The following ADAMTS16 variants were observed in gnomAD, a reference collection of about 807,000 sequenced individuals.
ADAMTS16 encodes the protein ADAM metallopeptidase with thrombospondin type 1 motif 16, also known as A disintegrin and metalloproteinase with thrombospondin motifs 16.
ADAMTS16 carries 94 observed loss-of-function variants against 145.8 expected under a neutral mutation model. That is an observed-to-expected ratio of 0.64 (90% CI 0.55 to 0.77). The LOEUF is 0.77. ADAMTS16 is among the 30% of genes least tolerant of loss of function. The pLI is 0.00. For missense variants in ADAMTS16, 1,585 were observed against 1,591.5 expected (o/e 1.00, Z 0.07); for synonymous variants, 659 against 604.3 (o/e 1.09, Z -1.33).
At chr5:5,190,172 T>C (rs779200117) in intron 7 of ADAMTS16, 42 bp downstream of exon 7, 1 of 1,523,634 alleles carries the variant, frequency 6.6e-7, no homozygotes, top group East Asian at 2.4e-5. Context: ...GTGTGGAATG[T>C]GCACCCCTGG....
At chr5:5,164,416 A>G (rs1452664861) in intron 3 of ADAMTS16, among the ~76,000 whole-genome samples, 1 of 152,250 alleles carries the variant, frequency 6.6e-6, no homozygotes, top group African/African-American at 2.4e-5. Flanking sequence ...CACTGGCTGC[A>G]GTCTCTCAGC....
At position 5,288,394 on chromosome 5, in the gene ADAMTS16, C is replaced by G. The variant is rs571424222; in HGVS notation, c.2790-14874C>G. ...CCCTAGAATGCCACGTAAAAGGCTCCGGTGAGAGGCAGGAAAAGATATTTC... is the reference window on the plus strand; with the variant it reads ...CCCTAGAATGCCACGTAAAAGGCTCGGGTGAGAGGCAGGAAAAGATATTTC... On this transcript the variant is annotated intron_variant, in intron 18 of 22. Transcript: ENST00000274181. Among the ~76,000 whole-genome samples, 7 of 152,246 alleles carry G rather than the reference C, an allele frequency of 4.6e-5. No individual in the cohort carries two copies. The East Asian group carries it at 1.3e-3, about 29-fold the overall frequency.
intron 3 of ADAMTS16, among the ~76,000 whole-genome samples, chr5:5,168,279 T>C (rs1579284528): frequency 6.6e-6 from 1 of 151,636 alleles, no homozygotes; most frequent in African/African-American, 2.4e-5. Context: ...GGTGTAAAAA[T>C]TAGCTCTTGA....
chr5:5,259,598 AG>A (rs754669257), intron 17 of ADAMTS16, among the ~76,000 whole-genome samples: 1 of 152,112 alleles, frequency 6.6e-6, no homozygotes, highest in Non-Finnish European at 1.5e-5. Flanking sequence ...GGAAAGAGTA[AG>A]GTTATGGTCC....
intron 3 of ADAMTS16, among the ~76,000 whole-genome samples, chr5:5,160,102 A>G (rs560294165): frequency 6.6e-6 from 1 of 152,352 alleles, no homozygotes; most frequent in Non-Finnish European, 1.5e-5. Flanking sequence ...ATGTACAAGT[A>G]TGTGTAGAAG....
rs186722054 is a variant in ADAMTS16, at chr5:5,293,413, G to A, written c.2790-9855G>A. On this transcript the variant is annotated intron_variant, in intron 18 of 22. Transcript: ENST00000274181. ...CTTTCATGCTGTTTCCTCTTGATCC[G>A]CAAACCAGTCTCTCTCATTCCCTTA... Among the ~76,000 whole-genome samples the A allele has an allele frequency of 4.5e-3, 681 of 152,160 alleles. 6 individuals are homozygous for A. Among genetic ancestry groups the A allele is most frequent in the African/African-American group, 0.014 (595 of 41,508 alleles).
At position 5,182,213 on chromosome 5, in the gene ADAMTS16, G is replaced by A. The variant is rs1481219162; in HGVS notation, c.671G>A (p.Arg224Lys). 4 of 1,614,062 alleles carry A rather than the reference G, an allele frequency of 2.5e-6. No individual in the cohort carries two copies. The highest frequency in any genetic ancestry group is 1.1e-5 in the South Asian group (1 of 91,092). The change falls in exon 4 of 23, where the codon AGG (arginine) becomes AAG (lysine). Residue 224 changes from arginine (R) to lysine (K), a missense_variant. Around this residue, in one of 3 missense-constraint regions of ADAMTS16, gnomAD observed 453 missense variants for 412.1 expected, o/e 1.10. Coordinates refer to ENST00000274181, the MANE Select transcript of ADAMTS16 (RefSeq NM_139056.4). ...PGASEVLVTS[R>K]TWELAHQPLH... ...GCCAGTGAGGTCCTGGTGACCTCAA[G>A]GACATGGGAGCTGGCACATCAACCC... is the stretch of plus-strand genomic sequence containing the variant.
At chr5:5,176,729 T>C (rs76264077) in intron 3 of ADAMTS16, among the ~76,000 whole-genome samples, 427 of 152,314 alleles carry the variant, frequency 2.8e-3, no homozygotes, top group Non-Finnish European at 4.6e-3. Flanking sequence ...ATTCTTAAAT[T>C]ATACTATTAA....
intron 18 of ADAMTS16, 142 bp from the exon 19 acceptor site, chr5:5,303,126 C>A (rs2126511321): frequency 4.6e-6 from 4 of 877,230 alleles, no homozygotes; most frequent in Middle Eastern, 3.6e-4. Context: ...GAATGCTCAC[C>A]CAGGAAAGGT....
chr5:5,235,362 T>C (rs1737075517), intron 13 of ADAMTS16, among the ~76,000 whole-genome samples, 176 bp downstream of exon 13: 1 of 152,200 alleles, frequency 6.6e-6, no homozygotes, highest in Non-Finnish European at 1.5e-5. Flanking sequence ...CATCACGACC[T>C]CTTATCTAAA....
chr5:5,232,438 A>G lies in ADAMTS16; in HGVS notation c.1772A>G (p.Asp591Gly). 1 of 1,613,962 alleles carries G rather than the reference A, an allele frequency of 6.2e-7. No homozygotes were observed. Residue 591 changes from aspartate to glycine, a missense_variant, in exon 12 of 23, where the codon GAC becomes GGC. Physicochemically the swap from Asp to Gly is moderately conservative, Grantham distance 94. Coordinates refer to ENST00000274181, the MANE Select transcript of ADAMTS16 (RefSeq NM_139056.4). The stretch of plus-strand genomic sequence containing the variant: ...AAGCCCACCCATGGCCACTGGTCGG[A>G]CTGGTCTTCTTGGTCCCCATGCTCC... Reference protein sequence around the residue: ...GPKPTHGHWSDWSSWSPCSRT... With the variant: ...GPKPTHGHWSGWSSWSPCSRT...
At chr5:5,242,676 G>A (rs1034321617) in intron 17 of ADAMTS16, among the ~76,000 whole-genome samples, 10 of 152,074 alleles carry the variant, frequency 6.6e-5, no homozygotes, top group Non-Finnish European at 1.2e-4. Context: ...TATTTTGAAA[G>A]TTCCAATGAA....
chr5:5,171,695 C>T (rs1735045596), intron 3 of ADAMTS16, among the ~76,000 whole-genome samples: 2 of 152,072 alleles, frequency 1.3e-5, no homozygotes, highest in Admixed American at 1.3e-4. Context: ...AGGATTTTTG[C>T]ATCAATGTTC....
intron 17 of ADAMTS16, among the ~76,000 whole-genome samples, chr5:5,242,980 A>G (rs975600384): frequency 6.6e-6 from 1 of 152,276 alleles, no homozygotes; most frequent in African/African-American, 2.4e-5. Context: ...ATAACTAAGA[A>G]GTTAATTTAG....
chr5:5,214,738 G>A (rs1736373769), intron 10 of ADAMTS16, among the ~76,000 whole-genome samples: 1 of 152,172 alleles, frequency 6.6e-6, no homozygotes, highest in Non-Finnish European at 1.5e-5. Flanking sequence ...AGCTATTTGT[G>A]TGGCCAGTAT....
intron 11 of ADAMTS16, among the ~76,000 whole-genome samples, chr5:5,227,801 A>T (rs1579325121): frequency 6.6e-6 from 1 of 152,208 alleles, no homozygotes; most frequent in Non-Finnish European, 1.5e-5. Flanking sequence ...TCAGCCTAAT[A>T]CAAGGAATTG....
chr5:5,244,076 T>G (rs1277542565), intron 17 of ADAMTS16, among the ~76,000 whole-genome samples: 1 of 152,236 alleles, frequency 6.6e-6, no homozygotes, highest in African/African-American at 2.4e-5. Flanking sequence ...TTTCCCACAT[T>G]CTGTAGGATA....
chr5:5,164,058 T>C (rs1235416310), intron 3 of ADAMTS16, among the ~76,000 whole-genome samples: 1 of 152,170 alleles, frequency 6.6e-6, no homozygotes, highest in African/African-American at 2.4e-5. Context: ...AGGAAGATCT[T>C]CTGAGATGAT....
At chr5:5,145,950 T>C (rs560697598) in intron 2 of ADAMTS16, among the ~76,000 whole-genome samples, 180 bp from the exon 3 acceptor site, 3 of 152,242 alleles carry the variant, frequency 2.0e-5, no homozygotes, top group Non-Finnish European at 4.4e-5. Context: ...TTTTTTTCTT[T>C]AAACTGTGAT....
Sources: gnomAD v4.1 joint callset for allele counts (sites outside exome capture counted in the v4.1 genomes callset) on GRCh38, gnomAD v4.1.1 for gene constraint, gnomAD v4.1.1 regional missense constraint, MANE v1.5 for transcripts, NCBI Gene and HGNC (gene_info 2026-07-23, HGNC 2026-07-21) for gene names.